The following GPC5 variants were observed in gnomAD, a reference collection of about 807,000 sequenced individuals.
The protein encoded by GPC5 is glypican-5.
GPC5 carries 47 observed loss-of-function variants against 53.9 expected under a neutral mutation model. That is an observed-to-expected ratio of 0.87 (90% CI 0.69 to 1.11). GPC5 has a LOEUF of 1.11. GPC5 is among the 50% of genes most tolerant of loss of function. GPC5 has a pLI of 0.00. For synonymous variants in GPC5, 286 were observed against 263.3 expected, an observed-to-expected ratio of 1.09 and a Z score of -0.84; for missense variants, 748 against 713.1, an observed-to-expected ratio of 1.05 and a Z score of -0.56.
At chr13:91,783,893 TTCTCAAATATGGTTTCTTAC>T (rs1395022951) in intron 5 of GPC5, among the ~76,000 whole-genome samples, 1 of 152,240 alleles carries the variant, frequency 6.6e-6, no homozygotes, top group Non-Finnish European at 1.5e-5. Flanking sequence ...TCTCACATTT[TTCTCAAATATGGTTTCTTAC>T]CAATGAGAGA....
intron 7 of GPC5, among the ~76,000 whole-genome samples, chr13:92,458,243 T>TTA (rs1468877495): frequency 6.6e-6 from 1 of 150,780 alleles, no homozygotes; most frequent in African/African-American, 2.4e-5. Flanking sequence ...TTCATTGTAC[T>TTA]TATTTATATC....
chr13:92,295,232 G>C (rs537342099), intron 7 of GPC5, among the ~76,000 whole-genome samples: 13 of 152,212 alleles, frequency 8.5e-5, no homozygotes, highest in African/African-American at 2.9e-4. Flanking sequence ...TTGTCATTCA[G>C]TTCGAAAAGT....
chr13:91,629,103 TTA>T (rs1335221266), intron 2 of GPC5, among the ~76,000 whole-genome samples: 2 of 152,160 alleles, frequency 1.3e-5, no homozygotes, highest in Admixed American at 1.3e-4. Context: ...ATGATTGTGA[TTA>T]TCTTTTTAAG....
At chr13:91,942,936 TA>T (rs2039941356) in intron 6 of GPC5, among the ~76,000 whole-genome samples, 1 of 152,114 alleles carries the variant, frequency 6.6e-6, no homozygotes. Context: ...ATGGAGACAT[TA>T]AAAACACCAT....
At chr13:92,515,199 A>G (rs1376116448) in intron 7 of GPC5, among the ~76,000 whole-genome samples, 1 of 152,204 alleles carries the variant, frequency 6.6e-6, no homozygotes, top group Non-Finnish European at 1.5e-5. Flanking sequence ...CCACTGTGTC[A>G]GGCACCACTA....
chr13:91,810,447 T>C (rs2038292015), intron 5 of GPC5, among the ~76,000 whole-genome samples: 1 of 152,020 alleles, frequency 6.6e-6, no homozygotes, highest in African/African-American at 2.4e-5. Context: ...GCAAAGACAG[T>C]GTTCTTTCTA....
intron 7 of GPC5, among the ~76,000 whole-genome samples, chr13:92,434,149 C>A (rs1007817256): frequency 6.6e-6 from 1 of 152,126 alleles, no homozygotes; most frequent in African/African-American, 2.4e-5. Context: ...CATTGCTGTA[C>A]TAGTAAATGT....
chr13:92,213,262 A>G (rs1269638680), intron 7 of GPC5, among the ~76,000 whole-genome samples: 1 of 152,184 alleles, frequency 6.6e-6, no homozygotes, highest in Non-Finnish European at 1.5e-5. Context: ...TGTATCAAAC[A>G]TATATATGAC....
At chr13:91,531,237 C>T (rs1184686795) in intron 2 of GPC5, among the ~76,000 whole-genome samples, 1 of 152,146 alleles carries the variant, frequency 6.6e-6, no homozygotes, top group Non-Finnish European at 1.5e-5. Context: ...GAAGTTTGCA[C>T]AGAAATGATT....
chr13:91,568,796 T>C (rs1288901449), intron 2 of GPC5, among the ~76,000 whole-genome samples: 1 of 151,352 alleles, frequency 6.6e-6, no homozygotes, highest in Non-Finnish European at 1.5e-5. Flanking sequence ...TCTCTGTCGC[T>C]GGAGTGCAGT....
chr13:91,406,492 G>A (rs190029279), intron 1 of GPC5, among the ~76,000 whole-genome samples: 1 of 152,210 alleles, frequency 6.6e-6, no homozygotes, highest in East Asian at 1.9e-4. Context: ...TTTAAATATA[G>A]CTCAAATAAA....
intron 5 of GPC5, among the ~76,000 whole-genome samples, chr13:91,804,029 T>G (rs2352202): frequency 6.6e-6 from 1 of 151,204 alleles, no homozygotes; most frequent in Non-Finnish European, 1.5e-5. Context: ...CAAAGAGACA[T>G]GGAGAAAAGG....
At chr13:92,459,939 A>G (rs1878415554) in intron 7 of GPC5, among the ~76,000 whole-genome samples, 1 of 152,172 alleles carries the variant, frequency 6.6e-6, no homozygotes, top group Non-Finnish European at 1.5e-5. Flanking sequence ...CTTTGAAGAT[A>G]AAGTATGTTT....
intron 6 of GPC5, among the ~76,000 whole-genome samples, chr13:92,002,659 C>T (rs2040565880): frequency 6.6e-6 from 1 of 152,022 alleles, no homozygotes; most frequent in African/African-American, 2.4e-5. Flanking sequence ...TTCAAATAGG[C>T]AGTATGCTAT....
At chr13:91,988,615 C>A (rs1351832276) in intron 6 of GPC5, among the ~76,000 whole-genome samples, 1 of 152,150 alleles carries the variant, frequency 6.6e-6, no homozygotes, top group Admixed American at 6.5e-5. Flanking sequence ...AGACAAAAAT[C>A]AAACCTCCTG....
chr13:92,042,810 T>C (rs188001276), intron 6 of GPC5, among the ~76,000 whole-genome samples: 14 of 149,018 alleles, frequency 9.4e-5, no homozygotes, highest in African/African-American at 3.4e-4. Flanking sequence ...CAGCTAATTA[T>C]GAATATGTTC....
chr13:92,346,239 A>G (rs759410860), intron 7 of GPC5, among the ~76,000 whole-genome samples: 22 of 152,128 alleles, frequency 1.4e-4, no homozygotes, highest in Non-Finnish European at 2.6e-4. Flanking sequence ...TGCCTGTCCC[A>G]AGCAGTGACT....
At chr13:91,508,495 T>A (rs902649303) in intron 2 of GPC5, among the ~76,000 whole-genome samples, 1 of 152,052 alleles carries the variant, frequency 6.6e-6, no homozygotes, top group African/African-American at 2.4e-5. Context: ...ATTAAATGAG[T>A]TTTGTTGGTA....
chr13:92,207,406 T>C (rs944342154), intron 7 of GPC5, among the ~76,000 whole-genome samples: 3 of 152,216 alleles, frequency 2.0e-5, no homozygotes, highest in African/African-American at 4.8e-5. Context: ...GCTGCAGCCC[T>C]AGTCCTGAAA....
Sources: allele counts gnomAD v4.1 joint callset (sites outside exome capture counted in the v4.1 genomes callset), GRCh38; gene constraint gnomAD v4.1.1; transcripts MANE v1.5; gene names NCBI Gene and HGNC (gene_info 2026-07-23, HGNC 2026-07-21).